The following DAAM1 variants were observed in gnomAD, a reference collection of about 807,000 sequenced individuals.
DAAM1 encodes the protein disheveled-associated activator of morphogenesis 1.
A neutral mutation model predicts 130.0 loss-of-function variants in DAAM1; 52 were observed. That is an observed-to-expected ratio of 0.40 (90% CI 0.32 to 0.50). The LOEUF (loss-of-function observed/expected upper bound fraction) is 0.50, where lower values mean the gene tolerates loss of function less well. Ranked by LOEUF, DAAM1 falls within the 20% of genes least tolerant of loss-of-function variation. The pLI is 0.61. For missense variants in DAAM1, 1,134 were observed against 1,303.8 expected (o/e 0.87, Z 2.01); for synonymous variants, 452 against 444.5 (o/e 1.02, Z -0.21).
chr14:59,248,279 C>T (rs1320395819), intron 1 of DAAM1, among the ~76,000 whole-genome samples: 1 of 152,094 alleles, frequency 6.6e-6, no homozygotes, highest in East Asian at 1.9e-4. Flanking sequence ...GCTTCCTTCA[C>T]ATTTCCCTCT....
At chr14:59,350,111 C>T (rs1384129390) in intron 17 of DAAM1, among the ~76,000 whole-genome samples, 3 of 152,058 alleles carry the variant, frequency 2.0e-5, no homozygotes, top group Non-Finnish European at 2.9e-5. Context: ...ACAGTGTCAC[C>T]GTTTGAACTC....
At chr14:59,221,850 A>G (rs780545196) in intron 1 of DAAM1, among the ~76,000 whole-genome samples, 1 of 152,222 alleles carries the variant, frequency 6.6e-6, no homozygotes, top group Non-Finnish European at 1.5e-5. Context: ...CTCTGGAACT[A>G]AGGCCAGCAG....
rs1216557346 is a variant in DAAM1 at position 59,248,337 on chromosome 14, T to TGTTTG, written c.-37-15100_-37-15099insGGTTT. On this transcript the variant is annotated intron_variant, in intron 1 of 24. Transcript: ENST00000360909. ...TGTTTTGTTTTGTTTTGTTTTGTTTTGTTTTGTTTTGTTTTGTTTGACTCA... is the reference window on the plus strand; with the variant it reads ...TGTTTTGTTTTGTTTTGTTTTGTTTTGTTTGGTTTTGTTTTGTTTTGTTTGACTCA... Among the ~76,000 whole-genome samples the TGTTTG allele has an allele frequency of 2.8e-3, 275 of 98,716 alleles. 3 individuals are homozygous for TGTTTG. Among genetic ancestry groups the TGTTTG allele is most frequent in the African/African-American group, 0.011 (257 of 23,010 alleles). The allele number at this position is 98,716 out of a possible 152,430, so 64.8% of individuals were successfully genotyped here. A position where few individuals can be genotyped will look rare whatever the true frequency, so the allele number is the denominator to read the frequency against.
intron 1 of DAAM1, among the ~76,000 whole-genome samples, chr14:59,206,437 G>T (rs1031645457): frequency 1.3e-5 from 2 of 152,056 alleles, no homozygotes; most frequent in East Asian, 1.9e-4. Flanking sequence ...CACCATGCCC[G>T]GCTAATTTTT....
At chr14:59,247,714 A>G (rs1881453167) in intron 1 of DAAM1, among the ~76,000 whole-genome samples, 1 of 150,938 alleles carries the variant, frequency 6.6e-6, no homozygotes, top group Non-Finnish European at 1.5e-5. Context: ...ATCCAAGCTC[A>G]TGTTAAAAAA....
At chr14:59,208,642 T>G (rs906953736) in intron 1 of DAAM1, among the ~76,000 whole-genome samples, 9 of 152,170 alleles carry the variant, frequency 5.9e-5, no homozygotes, top group African/African-American at 2.2e-4. Flanking sequence ...ATGCCACTGT[T>G]TTTTGAACAT....
chr14:59,263,488 G>A lies in DAAM1; in HGVS notation c.11G>A (p.Arg4Lys). 1 of 1,614,206 alleles carries A rather than the reference G, an allele frequency of 6.2e-7. No individual in the cohort carries two copies. The highest frequency in any genetic ancestry group is 8.5e-7 in the Non-Finnish European group (1 of 1,180,024). MAP[R>K]KRGGRGISFI... ...GAACAGAATTCAGCCATGGCCCCAA[G>A]AAAGAGAGGTGGACGAGGTATTTCA... Residue 4 changes from arginine to lysine, a missense_variant, in exon 2 of 25, where the codon AGA (arginine) becomes AAA (lysine). Coordinates refer to ENST00000360909, the MANE Select transcript of DAAM1 (RefSeq NM_001270520.2).
chr14:59,212,894 C>A (rs1888469300), intron 1 of DAAM1, among the ~76,000 whole-genome samples: 2 of 152,098 alleles, frequency 1.3e-5, no homozygotes, highest in South Asian at 4.1e-4. Context: ...CCTTGAATTT[C>A]TTTAACACTT....
intron 24 of DAAM1, 34 bp downstream of exon 24, chr14:59,367,633 C>T: frequency 6.3e-7 from 1 of 1,597,096 alleles, no homozygotes; most frequent in Non-Finnish European, 8.5e-7. Context: ...ATTCCACCTC[C>T]TAGAAGTTCT....
intron 21 of DAAM1, 55 bp downstream of exon 21, chr14:59,359,559 C>A: frequency 7.1e-7 from 1 of 1,406,164 alleles, no homozygotes; most frequent in Non-Finnish European, 1.0e-6. Context: ...GTGTGTTAGC[C>A]ATTGAGGTAG....
Position 59,263,516 on chromosome 14 carries a change from C to G in DAAM1, c.39C>G (p.Phe13Leu), listed in dbSNP as rs746424324. 3.1e-6 allele frequency: 5 copies of G among 1,614,206 alleles called. No homozygotes were observed. Among genetic ancestry groups the G allele is most frequent in the Non-Finnish European group, 4.2e-6 (5 of 1,180,034 alleles). ...AGAGAGGTGGACGAGGTATTTCATT[C>G]ATCTTTTGCTGTTTCCGAAATAATG... Reference protein sequence around the residue: ...PRKRGGRGISFIFCCFRNNDH... With the variant: ...PRKRGGRGISLIFCCFRNNDH... Residue 13 changes from phenylalanine (F) to leucine (L), a missense_variant, in exon 2 of 25, where the codon TTC becomes TTG. This residue lies in a region of DAAM1 where 99 missense variants were observed against 86.4 expected (regional missense o/e 1.15). Transcript: ENST00000360909.
At chr14:59,214,438 G>A (rs993418420) in intron 1 of DAAM1, among the ~76,000 whole-genome samples, 2 of 152,182 alleles carry the variant, frequency 1.3e-5, no homozygotes, top group African/African-American at 4.8e-5. Flanking sequence ...TCTGTTAACT[G>A]TGGAAAAGCC....
intron 4 of DAAM1, 107 bp downstream of exon 4, chr14:59,315,458 T>C: frequency 9.6e-7 from 1 of 1,041,426 alleles, no homozygotes; most frequent in Non-Finnish European, 1.4e-6. Flanking sequence ...CAAATGTCAG[T>C]ACCTTTCCAA....
chr14:59,343,402 A>C (rs1245903165), intron 16 of DAAM1, among the ~76,000 whole-genome samples: 1 of 152,158 alleles, frequency 6.6e-6, no homozygotes, highest in Admixed American at 6.5e-5. Context: ...ATGCTTGGGG[A>C]CAATGAATAG....
chr14:59,287,672 TTAC>T (rs762880166), intron 2 of DAAM1, among the ~76,000 whole-genome samples: 1 of 152,066 alleles, frequency 6.6e-6, no homozygotes, highest in Non-Finnish European at 1.5e-5. Context: ...AAAATTCCAC[TTAC>T]AATAGCTTCA....
At chr14:59,285,629 A>G (rs1883413747) in intron 2 of DAAM1, among the ~76,000 whole-genome samples, 1 of 152,152 alleles carries the variant, frequency 6.6e-6, no homozygotes, top group South Asian at 2.1e-4. Context: ...CTATTCTTGT[A>G]TCTGATAAAA....
chr14:59,273,937 T>G (rs1377166339), intron 2 of DAAM1, among the ~76,000 whole-genome samples: 3 of 152,170 alleles, frequency 2.0e-5, no homozygotes, highest in Non-Finnish European at 4.4e-5. Context: ...TGGATGGTGT[T>G]TTTCAGGTCT....
At chr14:59,232,473 A>G (rs1889138976) in intron 1 of DAAM1, among the ~76,000 whole-genome samples, 5 of 152,126 alleles carry the variant, frequency 3.3e-5, no homozygotes, top group Admixed American at 6.6e-5. Context: ...AACAAAGGAG[A>G]TGGATATGGT....
chr14:59,315,232 T>C (rs1179325840), intron 3 of DAAM1, 48 bp from the exon 4 acceptor site: 7 of 1,547,434 alleles, frequency 4.5e-6, no homozygotes, highest in East Asian at 2.2e-5. Flanking sequence ...TTCTAGGTGC[T>C]GTGTGTATAT....
Sources: allele counts gnomAD v4.1 joint callset (sites outside exome capture counted in the v4.1 genomes callset), GRCh38; gene constraint gnomAD v4.1.1; regional missense constraint gnomAD v4.1.1; transcripts MANE v1.5; gene names NCBI Gene and HGNC (gene_info 2026-07-23, HGNC 2026-07-21).